The following HSPBAP1 variants were observed in gnomAD, a reference collection of about 807,000 sequenced individuals.
The protein encoded by HSPBAP1 is HSPB1-associated protein 1.
HSPBAP1 carries 27 observed loss-of-function variants against 45.2 expected under a neutral mutation model. The observed-to-expected ratio is 0.60, with a 90% CI of 0.44 to 0.82. The LOEUF (loss-of-function observed/expected upper bound fraction) is 0.82. Among genes scored for constraint, HSPBAP1 ranks in the 40% least tolerant of loss-of-function variants. The pLI is 0.00. For missense variants in HSPBAP1, 510 were observed against 590.9 expected, an observed-to-expected ratio of 0.86 and a Z score of 1.42; for synonymous variants, 204 against 202.7, an observed-to-expected ratio of 1.01 and a Z score of -0.06.
Position 122,793,768 on chromosome 3 carries a change from G to A in HSPBAP1, c.-88C>T. ...TAGGGGCCAAACTCCGAGACCCGAA[G>A]CTGCACCACAGGAAGGAGCCCCGGC... On this transcript the variant is annotated 5_prime_UTR_variant, in exon 1 of 8. Transcript: ENST00000306103. 1 of 1,267,096 alleles carries A rather than the reference G, an allele frequency of 7.9e-7. No homozygotes were observed. Among genetic ancestry groups the A allele is most frequent in the Non-Finnish European group, 1.1e-6 (1 of 880,370 alleles). The allele number at this position is 1,267,096 out of a possible 1,614,324, so 78.5% of individuals were successfully genotyped here.
At chr3:122,746,623 CCT>C (rs1010213571) in intron 6 of HSPBAP1, among the ~76,000 whole-genome samples, 15 of 148,302 alleles carry the variant, frequency 1.0e-4, no homozygotes, top group African/African-American at 3.4e-4. Context: ...TCTCCTCTCT[CCT>C]CTCTCTCTCC....
chr3:122,783,006 C>T (rs538371490), intron 1 of HSPBAP1, among the ~76,000 whole-genome samples: 6 of 152,262 alleles, frequency 3.9e-5, no homozygotes, highest in Admixed American at 6.5e-5. Flanking sequence ...ATTTTGAGAA[C>T]AATCTGTTAC....
At chr3:122,748,742 T>TC (rs1398509006) in intron 6 of HSPBAP1, among the ~76,000 whole-genome samples, 1 of 152,100 alleles carries the variant, frequency 6.6e-6, no homozygotes, top group Non-Finnish European at 1.5e-5. Flanking sequence ...TGTTAAGATC[T>TC]CCCCCAAAGA....
intron 6 of HSPBAP1, among the ~76,000 whole-genome samples, chr3:122,749,600 C>T (rs1934051721): frequency 6.6e-6 from 1 of 152,048 alleles, no homozygotes; most frequent in African/African-American, 2.4e-5. Flanking sequence ...ATTTTGGAAA[C>T]ATAAATTTGA....
chr3:122,786,183 T>C (rs1935653095), intron 1 of HSPBAP1, among the ~76,000 whole-genome samples: 1 of 152,196 alleles, frequency 6.6e-6, no homozygotes, highest in African/African-American at 2.4e-5. Flanking sequence ...GTATAACACC[T>C]TGCTTTCTGA....
At chr3:122,754,148 GA>G (rs1259295569) in intron 5 of HSPBAP1, 1 of 153,038 alleles carries the variant, frequency 6.5e-6, no homozygotes, top group African/African-American at 2.4e-5. Flanking sequence ...CAAGAGTATT[GA>G]AAACATATGT....
chr3:122,790,882 C>T (rs1010737161), intron 1 of HSPBAP1, among the ~76,000 whole-genome samples: 1 of 152,172 alleles, frequency 6.6e-6, no homozygotes. Flanking sequence ...TTGTATTCAT[C>T]ATTGTACTGA....
intron 1 of HSPBAP1, among the ~76,000 whole-genome samples, chr3:122,778,766 G>C (rs547481267): frequency 1.3e-5 from 2 of 152,036 alleles, no homozygotes; most frequent in Non-Finnish European, 2.9e-5. Flanking sequence ...TCCTGACCTC[G>C]TGATCCACCT....
intron 2 of HSPBAP1, among the ~76,000 whole-genome samples, chr3:122,776,642 C>T (rs1317951221): frequency 6.6e-6 from 1 of 152,134 alleles, no homozygotes; most frequent in Non-Finnish European, 1.5e-5. Context: ...ATTTCTTTGA[C>T]TAAAATCAAG....
chr3:122,748,244 C>CGG (rs1442226924), intron 6 of HSPBAP1, among the ~76,000 whole-genome samples: 3 of 152,132 alleles, frequency 2.0e-5, no homozygotes, highest in Non-Finnish European at 1.5e-5. Context: ...ACAAACACTG[C>CGG]GGAAGGCCGC....
At chr3:122,784,394 C>T (rs1409513889) in intron 1 of HSPBAP1, among the ~76,000 whole-genome samples, 2 of 152,180 alleles carry the variant, frequency 1.3e-5, no homozygotes, top group Admixed American at 6.5e-5. Context: ...CATACACACA[C>T]ACAAATGTCT....
chr3:122,774,735 G>A (rs1935128239), intron 2 of HSPBAP1, among the ~76,000 whole-genome samples: 1 of 152,148 alleles, frequency 6.6e-6, no homozygotes, highest in African/African-American at 2.4e-5. Context: ...ACTAGAGGAT[G>A]GCTGTGGAGA....
intron 2 of HSPBAP1, among the ~76,000 whole-genome samples, chr3:122,770,469 T>A (rs1426006795): frequency 6.6e-6 from 1 of 151,878 alleles, no homozygotes; most frequent in African/African-American, 2.4e-5. Context: ...GAGGCCGAGG[T>A]GGGAGGACTA....
At chr3:122,743,066 C>T (rs1245969311) in intron 6 of HSPBAP1, among the ~76,000 whole-genome samples, 2 of 152,198 alleles carry the variant, frequency 1.3e-5, no homozygotes, top group East Asian at 1.9e-4. Context: ...TAACCAGATA[C>T]AGACATAACA....
intron 4 of HSPBAP1, chr3:122,758,840 C>A (rs1404013791): frequency 2.2e-6 from 1 of 449,352 alleles, no homozygotes; most frequent in African/African-American, 2.1e-5. Flanking sequence ...ATGATCATGC[C>A]ATTGCACTCC....
In HSPBAP1 at chr3:122,773,303, G is replaced by GTT. The variant is rs36065763; in HGVS notation, c.250+4416_250+4417dup. Among the ~76,000 whole-genome samples, 344 of 84,348 alleles carry GTT rather than the reference G, an allele frequency of 4.1e-3. 1 individual carries two copies. The highest frequency in any genetic ancestry group is 7.4e-3 in the African/African-American group (157 of 21,298). 55.3% of individuals were successfully genotyped at this position (84,348 alleles called of 152,430 possible). The stretch of plus-strand genomic sequence containing the variant: ...ACATCACCAGCAATCAAATAAATGT[G>GTT]TTTTTTTTTTTTTTTTTTTTTTTGG... On this transcript the variant is annotated intron_variant, in intron 2 of 7. Coordinates refer to ENST00000306103, the MANE Select transcript of HSPBAP1 (RefSeq NM_024610.6).
intron 6 of HSPBAP1, among the ~76,000 whole-genome samples, chr3:122,749,646 G>A (rs909713760): frequency 1.3e-5 from 2 of 152,058 alleles, no homozygotes; most frequent in African/African-American, 4.8e-5. Context: ...GTCTTGTTCT[G>A]TCACCAGGCT....
At chr3:122,788,418 G>A (rs977582370) in intron 1 of HSPBAP1, among the ~76,000 whole-genome samples, 5 of 152,004 alleles carry the variant, frequency 3.3e-5, no homozygotes, top group Admixed American at 2.0e-4. Flanking sequence ...GTGAATTTTC[G>A]ATAATTTAAA....
Position 122,740,667 on chromosome 3 carries a change from G to A in HSPBAP1, c.1145C>T (p.Pro382Leu), listed in dbSNP as rs781131403. Reference sequence around the variant, plus strand: ...AGGGCCAAAGGGACTTGCTGCCTCCGGTTTGTCTGTTCCTGTGGTCAAGTT... The same window carrying A: ...AGGGCCAAAGGGACTTGCTGCCTCCAGTTTGTCTGTTCCTGTGGTCAAGTT... ...SQNLTTGTDK[P>L]EAASPFGPDL... The change falls in exon 8 of 8, where the codon CCG becomes CTG. Residue 382 changes from proline (P) to leucine (L), a missense_variant. Coordinates refer to ENST00000306103, the MANE Select transcript of HSPBAP1 (RefSeq NM_024610.6). 5 of 1,613,748 alleles carry A rather than the reference G, an allele frequency of 3.1e-6. No individual in the cohort carries two copies. The highest frequency in any genetic ancestry group is 2.2e-5 in the East Asian group (1 of 44,900).
Sources: allele counts gnomAD v4.1 joint callset (sites outside exome capture counted in the v4.1 genomes callset), GRCh38; gene constraint gnomAD v4.1.1; transcripts MANE v1.5; gene names NCBI Gene and HGNC (gene_info 2026-07-23, HGNC 2026-07-21).